MAN1C1: variants seen among roughly 807,000 people sequenced by gnomAD.
MAN1C1 encodes the protein mannosidase alpha class 1C member 1.
A neutral mutation model predicts 71.5 loss-of-function variants in MAN1C1; 49 were observed. The observed-to-expected ratio is 0.69, with a 90% confidence interval of 0.54 to 0.87. The LOEUF (loss-of-function observed/expected upper bound fraction) is 0.87, where lower values mean the gene tolerates loss of function less well. Among genes scored for constraint, MAN1C1 ranks in the 40% least tolerant of loss-of-function variants. The pLI is 0.00. For synonymous variants in MAN1C1, 352 were observed against 343.7 expected (o/e 1.02, Z -0.27); for missense variants, 743 against 835.0 (o/e 0.89, Z 1.36).
intron 1 of MAN1C1, among the ~76,000 whole-genome samples, chr1:25,619,436 C>G (rs544138624): frequency 6.6e-6 from 1 of 152,196 alleles, no homozygotes; most frequent in Non-Finnish European, 1.5e-5. Flanking sequence ...CAGGACCTGC[C>G]CTGTCAAGAC....
At position 25,634,229 on chromosome 1, in the gene MAN1C1, C is replaced by T. The variant is rs563561577; in HGVS notation, c.540+15892C>T. Among the ~76,000 whole-genome samples the T allele has an allele frequency of 6.6e-6, 1 of 152,196 alleles. No individual in the cohort carries two copies. The highest frequency in any genetic ancestry group is 2.1e-4 in the South Asian group (1 of 4,824). ...ATATGCTTCTTATTTCCTTTTCTTG[C>T]TTCATTGCGCTGACTGGGACTTCCA... On this transcript the variant is annotated intron_variant, in intron 1 of 11. Transcript: ENST00000374332. This position sits in a 1 kb window ranked among gnomAD's most constrained non-coding sequence, Gnocchi z 4.6.
chr1:25,649,473 T>C (rs1302039398), intron 1 of MAN1C1, among the ~76,000 whole-genome samples: 1 of 152,224 alleles, frequency 6.6e-6, no homozygotes. Flanking sequence ...TCACTCTTGT[T>C]TTCACTTGTC....
intron 2 of MAN1C1, among the ~76,000 whole-genome samples, chr1:25,739,291 G>A (rs1198007536): frequency 5.3e-5 from 8 of 152,206 alleles, no homozygotes; most frequent in Non-Finnish European, 1.2e-4. Context: ...ATACACCACA[G>A]CAGCTGCCTT....
intron 7 of MAN1C1, among the ~76,000 whole-genome samples, chr1:25,767,255 C>T (rs1278559061): frequency 3.5e-5 from 5 of 143,200 alleles, no homozygotes; most frequent in Non-Finnish European, 6.1e-5. Flanking sequence ...CATCCACACT[C>T]CCCTCACACA....
chr1:25,783,566 C>T, intron 11 of MAN1C1, 97 bp from the exon 12 acceptor site: 1 of 1,402,150 alleles, frequency 7.1e-7, no homozygotes, highest in East Asian at 2.3e-5. Context: ...GACCATAGGC[C>T]TATCACAAAG....
intron 2 of MAN1C1, among the ~76,000 whole-genome samples, chr1:25,705,916 C>G (rs1490246937): frequency 6.6e-6 from 1 of 152,176 alleles, no homozygotes; most frequent in African/African-American, 2.4e-5. Context: ...GCACTCCAGC[C>G]TCGGTGACAG....
chr1:25,782,956 C>T lies in MAN1C1; in HGVS notation c.1766+256C>T, dbSNP rs2047716954. Among the ~76,000 whole-genome samples the T allele has an allele frequency of 6.6e-6, 1 of 152,160 alleles. No individual in the cohort carries two copies. ...TACCGCAGGTTCCTTCAGTTTCTCGCTTATCTCCCCAGGTTGCTTCCGTTC... is the reference window on the plus strand; with the variant it reads ...TACCGCAGGTTCCTTCAGTTTCTCGTTTATCTCCCCAGGTTGCTTCCGTTC... On this transcript the variant is annotated intron_variant, in intron 11 of 11. Coordinates refer to ENST00000374332, the MANE Select transcript of MAN1C1 (RefSeq NM_020379.4). The surrounding 1 kb of genome is among the most constrained non-coding windows in gnomAD (Gnocchi z 4.4).
chr1:25,699,400 G>T (rs1248251785), intron 2 of MAN1C1, among the ~76,000 whole-genome samples: 1 of 152,086 alleles, frequency 6.6e-6, no homozygotes, highest in Non-Finnish European at 1.5e-5. Flanking sequence ...GATGTGGCAA[G>T]ACCTCGGCCC....
At position 25,666,928 on chromosome 1, in the gene MAN1C1, A is replaced by G. The variant is rs149409490; in HGVS notation, c.541-19512A>G. On this transcript the variant is annotated intron_variant, in intron 1 of 11. Transcript: ENST00000374332. ...CCGTGGGTTCATTTGTGCCCTGCCT[A>G]TGGCAGGGTCTGTTTTGCCCACTGG... Among the ~76,000 whole-genome samples the G allele has an allele frequency of 3.9e-3, 525 of 135,682 alleles. 3 individuals carry two copies. Among genetic ancestry groups the G allele is most frequent in the African/African-American group, 0.014 (509 of 35,628 alleles). 89.0% of individuals were successfully genotyped at this position (135,682 alleles called of 152,430 possible).
At chr1:25,685,512 C>T (rs1012185454) in intron 1 of MAN1C1, among the ~76,000 whole-genome samples, 1 of 152,212 alleles carries the variant, frequency 6.6e-6, no homozygotes, top group South Asian at 2.1e-4. Flanking sequence ...GGGGCTGCAG[C>T]GCAGGGTTGG....
chr1:25,687,184 G>C (rs2046244370), intron 2 of MAN1C1, among the ~76,000 whole-genome samples: 1 of 152,316 alleles, frequency 6.6e-6, no homozygotes, highest in Non-Finnish European at 1.5e-5. Flanking sequence ...AAGTGGAGCA[G>C]CCGCACATCA....
rs752248583 is a variant in MAN1C1, at chr1:25,618,149, C to T, written c.352C>T (p.Arg118Cys). 9 of 1,538,384 alleles carry T rather than the reference C, an allele frequency of 5.9e-6. No homozygotes were observed. The highest frequency in any genetic ancestry group is 1.8e-4 in the Middle Eastern group (1 of 5,690). Residue 118 changes from arginine (R) to cysteine (C), a missense_variant, in exon 1 of 12, where the codon CGC becomes TGC. By Grantham distance (180) the Arg-to-Cys change is radical. Coordinates refer to ENST00000374332, the MANE Select transcript of MAN1C1 (RefSeq NM_020379.4). ...GCGGCGCACCCGCCCCACTGGACCC[C>T]GCGAGGAGGCCACGGCGGCCCGGGG... The part of the protein sequence containing the change: ...GLRRTRPTGP[R>C]EEATAARGNS...
intron 1 of MAN1C1, among the ~76,000 whole-genome samples, chr1:25,633,126 A>G (rs951750338): frequency 6.6e-6 from 1 of 152,126 alleles, no homozygotes; most frequent in Non-Finnish European, 1.5e-5. Context: ...TGGTCTCCCA[A>G]AGTGCTGGAA....
chr1:25,625,648 G>A (rs1334102143), intron 1 of MAN1C1, among the ~76,000 whole-genome samples: 2 of 151,868 alleles, frequency 1.3e-5, no homozygotes, highest in South Asian at 2.1e-4. Flanking sequence ...AGACCCTGTC[G>A]CTCTCTCTTT....
intron 8 of MAN1C1, among the ~76,000 whole-genome samples, chr1:25,772,722 C>T (rs1185059989): frequency 6.6e-6 from 1 of 152,186 alleles, no homozygotes; most frequent in Non-Finnish European, 1.5e-5. Context: ...CTCTGGCTTC[C>T]CTTAGCACCT....
At chr1:25,686,387 C>G (rs2046231047) in intron 1 of MAN1C1, 53 bp from the exon 2 acceptor site, 2 of 1,485,508 alleles carry the variant, frequency 1.3e-6, no homozygotes, top group African/African-American at 2.8e-5. Context: ...GGCCAGTGCG[C>G]ACTGCCAGGA....
intron 6 of MAN1C1, 162 bp downstream of exon 6, chr1:25,758,871 T>C (rs1363677658): frequency 3.1e-6 from 2 of 655,342 alleles, no homozygotes; most frequent in African/African-American, 3.6e-5. Context: ...AGTAGCTACC[T>C]ATACCCCAAC....
At chr1:25,653,157 G>C (rs141894828) in intron 1 of MAN1C1, among the ~76,000 whole-genome samples, 2 of 149,904 alleles carry the variant, frequency 1.3e-5, no homozygotes, top group Non-Finnish European at 3.0e-5. Flanking sequence ...AGCTCGCTGC[G>C]GTCTTGACCT....
intron 1 of MAN1C1, among the ~76,000 whole-genome samples, chr1:25,629,045 G>T (rs894368680): frequency 2.0e-5 from 3 of 152,186 alleles, no homozygotes; most frequent in Non-Finnish European, 4.4e-5. Context: ...GAATTGTGCT[G>T]CAGTAAACAT....
Sources: gnomAD v4.1 joint callset for allele counts (sites outside exome capture counted in the v4.1 genomes callset) on GRCh38, gnomAD v4.1.1 for gene constraint, Gnocchi (gnomAD v3.1) non-coding constraint, MANE v1.5 for transcripts, NCBI Gene and HGNC (gene_info 2026-07-23, HGNC 2026-07-21) for gene names.